The following ANKRD12 variants were observed in gnomAD, a reference collection of about 807,000 sequenced individuals.
ANKRD12 encodes ankyrin repeat domain-containing protein 12.
A neutral mutation model predicts 183.4 loss-of-function variants in ANKRD12; 85 were observed. The ratio of observed to expected loss-of-function variants is 0.46; its 90% CI spans 0.39 to 0.56. The LOEUF (loss-of-function observed/expected upper bound fraction) is 0.56. ANKRD12 is among the 20% of genes least tolerant of loss of function. ANKRD12 has a pLI of 0.00. For missense variants in ANKRD12, 2,405 were observed against 2,357.1 expected, an observed-to-expected ratio of 1.02 and a Z score of -0.42; for synonymous variants, 914 against 800.2, an observed-to-expected ratio of 1.14 and a Z score of -2.40.
intron 6 of ANKRD12, among the ~76,000 whole-genome samples, chr18:9,213,021 G>A (rs2035895395): frequency 6.6e-6 from 1 of 151,836 alleles, no homozygotes; most frequent in Admixed American, 6.6e-5. Context: ...GGCTTAGGTT[G>A]AATACACTCT....
intron 1 of ANKRD12, among the ~76,000 whole-genome samples, chr18:9,151,206 T>A (rs933974655): frequency 7.2e-5 from 11 of 152,248 alleles, no homozygotes; most frequent in Non-Finnish European, 1.3e-4. Context: ...GTTTCGAGGC[T>A]TTTTCCAGTA....
At chr18:9,157,182 C>G (rs577420659) in intron 1 of ANKRD12, among the ~76,000 whole-genome samples, 1 of 152,282 alleles carries the variant, frequency 6.6e-6, no homozygotes, top group African/African-American at 2.4e-5. Flanking sequence ...TGCATTAATA[C>G]ACCTAGTCTA....
chr18:9,204,562 T>A lies in ANKRD12; in HGVS notation c.304+18T>A. On this transcript the variant is annotated intron_variant, in intron 4 of 12. Transcript: ENST00000262126. ...ATACTCAGGTAATTAGATTATCAGGTGTTCCTGTTTAGCCAGTGGTTTCTG... is the reference window on the plus strand; with the variant it reads ...ATACTCAGGTAATTAGATTATCAGGAGTTCCTGTTTAGCCAGTGGTTTCTG... The A allele has an allele frequency of 6.5e-7, 1 of 1,533,972 alleles. No homozygotes were observed.
intron 3 of ANKRD12, among the ~76,000 whole-genome samples, chr18:9,200,039 A>C (rs1306790087): frequency 6.6e-6 from 1 of 152,230 alleles, no homozygotes; most frequent in African/African-American, 2.4e-5. Flanking sequence ...AGGAAAGCCT[A>C]CTGGCACCCC....
rs140551044 is a variant in ANKRD12, at chr18:9,149,109, G to A, written c.-52+12144G>A. ...CTTGAAATTCCCTACCCCTACCTCCGTACGCATGCACCCAAATTGGGTGCT... is the reference window on the plus strand; with the variant it reads ...CTTGAAATTCCCTACCCCTACCTCCATACGCATGCACCCAAATTGGGTGCT... On this transcript the variant is annotated intron_variant, in intron 1 of 12. Transcript: ENST00000262126. Among the ~76,000 whole-genome samples the A allele has an allele frequency of 2.5e-4, 38 of 152,094 alleles. No homozygotes were observed. The East Asian group carries it at 6.2e-3, about 25-fold the overall frequency.
At chr18:9,250,865 T>C (rs2038251294) in intron 8 of ANKRD12, among the ~76,000 whole-genome samples, 1 of 152,214 alleles carries the variant, frequency 6.6e-6, no homozygotes, top group African/African-American at 2.4e-5. Context: ...ATACTGACTT[T>C]AAGCAGTAAG....
At chr18:9,140,350 C>T (rs1226041088) in intron 1 of ANKRD12, among the ~76,000 whole-genome samples, 1 of 152,172 alleles carries the variant, frequency 6.6e-6, no homozygotes, top group Non-Finnish European at 1.5e-5. Flanking sequence ...TGCTGTTTTA[C>T]AGATAACTCC....
chr18:9,230,727 C>T (rs1046477174), intron 8 of ANKRD12, among the ~76,000 whole-genome samples: 10 of 151,640 alleles, frequency 6.6e-5, no homozygotes, highest in African/African-American at 1.2e-4. Context: ...GGCACGATCT[C>T]GGCTTATTGC....
At position 9,284,201 on chromosome 18, in the gene ANKRD12, T is replaced by C. The variant is rs2040176708; in HGVS notation, c.*3075T>C. 2 of 152,132 alleles carry C rather than the reference T, an allele frequency of 1.3e-5. No homozygotes were observed. Among genetic ancestry groups the C allele is most frequent in the Middle Eastern group, 3.2e-3 (1 of 316 alleles). The allele number at this position is 152,132 out of a possible 1,614,324, so 9.4% of individuals were successfully genotyped here. On this transcript the variant is annotated 3_prime_UTR_variant, in exon 13 of 13. Coordinates refer to ENST00000262126, the MANE Select transcript of ANKRD12 (RefSeq NM_015208.5). ...AGGGTTGCCACAAACCTTCAATTTG[T>C]AAAAAACGCCAATATGTACAAAGCA...
At chr18:9,138,372 G>C (rs7505120) in intron 1 of ANKRD12, among the ~76,000 whole-genome samples, 85,093 of 151,962 alleles carry the variant, frequency 0.56, 24,898 homozygotes, top group South Asian at 0.75. Context: ...AATTAGCCAG[G>C]CGTGGTGGCG....
chr18:9,192,157 A>G (rs1471325407), intron 2 of ANKRD12, among the ~76,000 whole-genome samples: 1 of 152,190 alleles, frequency 6.6e-6, no homozygotes, highest in Non-Finnish European at 1.5e-5. Flanking sequence ...ACCATATAAT[A>G]AAACCTACAT....
chr18:9,207,838 C>T (rs1021689321), intron 4 of ANKRD12, among the ~76,000 whole-genome samples: 2 of 152,136 alleles, frequency 1.3e-5, no homozygotes, highest in Admixed American at 6.6e-5. Context: ...CACAGAGCAC[C>T]TGCCTTAACT....
In ANKRD12 at chr18:9,257,713, G is replaced by A. The variant is rs762774233; in HGVS notation, c.4446G>A (p.Pro1482=). The A allele has an allele frequency of 5.0e-6, 8 of 1,613,920 alleles. No individual in the cohort carries two copies. Among genetic ancestry groups the A allele is most frequent in the Admixed American group, 1.7e-5 (1 of 59,948 alleles). Residue 1482 remains proline, a synonymous_variant, in exon 9 of 13, where the codon CCG becomes CCA. Coordinates refer to ENST00000262126, the MANE Select transcript of ANKRD12 (RefSeq NM_015208.5). ...ELPGNSCAQD[P]ASFMPPQQPC... is the part of the protein sequence containing the mutation. ...CAGGAAACTCTTGTGCTCAGGATCC[G>A]GCATCCTTTATGCCTCCACAGCAGC...
chr18:9,146,407 G>A (rs2078494982), intron 1 of ANKRD12, among the ~76,000 whole-genome samples: 1 of 152,136 alleles, frequency 6.6e-6, no homozygotes, highest in South Asian at 2.1e-4. Context: ...TTTTGGCTGG[G>A]CACAGTGGCA....
At chr18:9,191,663 T>TG (rs2034463024) in intron 2 of ANKRD12, among the ~76,000 whole-genome samples, 1 of 152,190 alleles carries the variant, frequency 6.6e-6, no homozygotes, top group Non-Finnish European at 1.5e-5. Flanking sequence ...GTATTTCTGT[T>TG]GCTTTGACTT....
intron 1 of ANKRD12, among the ~76,000 whole-genome samples, chr18:9,152,144 G>C (rs1312951738): frequency 6.6e-6 from 1 of 152,206 alleles, no homozygotes; most frequent in Non-Finnish European, 1.5e-5. Context: ...CTGGACAAAA[G>C]GGTAGACTGG....
chr18:9,273,388 G>T lies in ANKRD12; in HGVS notation c.5764-2136G>T, dbSNP rs143853419. Among the ~76,000 whole-genome samples, 363 of 152,262 alleles carry T rather than the reference G, an allele frequency of 2.4e-3. 2 individuals carry two copies. Among genetic ancestry groups the T allele is most frequent in the African/African-American group, 8.4e-3 (347 of 41,548 alleles). On this transcript the variant is annotated intron_variant, in intron 10 of 12. Transcript: ENST00000262126. ...AGTAGTTGATGTCATCATACAGTAT[G>T]TTTATTTCTATAAAAATATTCATTA...
At position 9,270,245 on chromosome 18, in the gene ANKRD12, C is replaced by T. The variant is rs1301197759; in HGVS notation, c.5764-5279C>T. Reference sequence around the variant, plus strand: ...CTAGAACTAGAAATACCATTTGACCCAGCCATCCCATTACTGGGTATATAC... The same window carrying T: ...CTAGAACTAGAAATACCATTTGACCTAGCCATCCCATTACTGGGTATATAC... On this transcript the variant is annotated intron_variant, in intron 10 of 12. Coordinates refer to ENST00000262126, the MANE Select transcript of ANKRD12 (RefSeq NM_015208.5). 2.0e-5 allele frequency among the ~76,000 whole-genome samples: 3 copies of T among 152,168 alleles called. No homozygotes were observed. The East Asian group carries it at 5.8e-4, about 29-fold the overall frequency.
intron 8 of ANKRD12, among the ~76,000 whole-genome samples, chr18:9,241,746 T>C (rs2037674966): frequency 6.6e-6 from 1 of 152,210 alleles, no homozygotes; most frequent in South Asian, 2.1e-4. Flanking sequence ...TACACACAGA[T>C]TTCTGAATCT....
Sources: gnomAD v4.1 joint callset for allele counts (sites outside exome capture counted in the v4.1 genomes callset) on GRCh38, gnomAD v4.1.1 for gene constraint, MANE v1.5 for transcripts, NCBI Gene and HGNC (gene_info 2026-07-23, HGNC 2026-07-21) for gene names.